CCDC171: variants seen among roughly 807,000 people sequenced by gnomAD.
CCDC171 encodes the protein coiled-coil domain-containing protein 171.
In CCDC171, 177 loss-of-function variants were observed where a neutral mutation model predicts 168.2. The ratio of observed to expected loss-of-function variants is 1.05; its 90% CI spans 0.93 to 1.19. CCDC171 has a LOEUF of 1.19. Among genes scored for constraint, CCDC171 ranks in the 50% most tolerant of loss-of-function variants. The pLI, the probability that CCDC171 is intolerant of heterozygous loss-of-function variation, is 0.00. For synonymous variants in CCDC171, 687 were observed against 540.8 expected (o/e 1.27, Z -3.75); for missense variants, 1,991 against 1,539.0 (o/e 1.29, Z -4.91).
chr9:15,773,033 G>A (rs1418314552), intron 18 of CCDC171, among the ~76,000 whole-genome samples: 1 of 150,374 alleles, frequency 6.7e-6, no homozygotes, highest in Non-Finnish European at 1.5e-5. Context: ...AATTATTTTT[G>A]CTACTATTAT....
At position 15,925,912 on chromosome 9, in the gene CCDC171, C is replaced by T. The variant is rs565212672; in HGVS notation, c.3753+5490C>T. 4.2e-5 allele frequency among the ~76,000 whole-genome samples: 6 copies of T among 144,052 alleles called. No homozygotes were observed. The East Asian group carries it at 1.4e-3, about 33-fold the overall frequency. The allele number at this position is 144,052 out of a possible 152,430, so 94.5% of individuals were successfully genotyped here. ...TCTCTGTGTTCCTTATTGCATAGACCATTTTCTACCTGTATTTAACAATAT... is the reference window on the plus strand; with the variant it reads ...TCTCTGTGTTCCTTATTGCATAGACTATTTTCTACCTGTATTTAACAATAT... On this transcript the variant is annotated intron_variant, in intron 25 of 25. Transcript: ENST00000380701.
intron 18 of CCDC171, among the ~76,000 whole-genome samples, chr9:15,759,223 A>G (rs1208297421): frequency 1.3e-5 from 2 of 152,232 alleles, no homozygotes; most frequent in African/African-American, 4.8e-5. Context: ...AAAATGTGAT[A>G]TAAAACTTAC....
intron 25 of CCDC171, among the ~76,000 whole-genome samples, chr9:15,921,405 C>T (rs951651397): frequency 7.2e-5 from 11 of 151,832 alleles, no homozygotes; most frequent in African/African-American, 2.7e-4. Flanking sequence ...GTCTACCTTC[C>T]ACCTTTCTTA....
At chr9:15,888,487 T>A (rs1008955884) in intron 24 of CCDC171, among the ~76,000 whole-genome samples, 6 of 152,196 alleles carry the variant, frequency 3.9e-5, no homozygotes, top group African/African-American at 1.4e-4. Context: ...TTTTGAAACA[T>A]TTCGTCACCT....
At chr9:16,100,809 C>T in the CCDC171 span, among the ~76,000 whole-genome samples, 1 of 152,294 alleles carries the variant, frequency 6.6e-6, no homozygotes, top group Non-Finnish European at 1.5e-5. Flanking sequence ...CCCCCCACCC[C>T]GCCCCCCACC....
intron 11 of CCDC171, among the ~76,000 whole-genome samples, chr9:15,699,519 T>C (rs1242661053): frequency 6.6e-6 from 1 of 152,136 alleles, no homozygotes; most frequent in African/African-American, 2.4e-5. Flanking sequence ...TGGTCTGTTT[T>C]GACAGGGCAC....
chr9:15,627,800 T>G (rs1280785137), intron 7 of CCDC171, among the ~76,000 whole-genome samples: 1 of 152,202 alleles, frequency 6.6e-6, no homozygotes, highest in Non-Finnish European at 1.5e-5. Flanking sequence ...TTCTGTTGAT[T>G]TTGCATGGAG....
At chr9:15,592,137 T>C (rs1032661720) in intron 5 of CCDC171, among the ~76,000 whole-genome samples, 2 of 150,640 alleles carry the variant, frequency 1.3e-5, no homozygotes, top group African/African-American at 2.5e-5. Context: ...GCCATTTTTT[T>C]TGAAGTAACA....
rs1310330705 is a variant in CCDC171 at position 15,623,473 on chromosome 9, G to GCA, written c.822+61_822+62insAC. The GCA allele has an allele frequency of 7.5e-4, 348 of 464,616 alleles. 2 individuals are homozygous for GCA. Among genetic ancestry groups the GCA allele is most frequent in the Middle Eastern group, 3.3e-3 (6 of 1,818 alleles). 28.8% of individuals were successfully genotyped at this position (464,616 alleles called of 1,614,324 possible). ...TACAAACTTTCACATATGCGCGCGC[G>GCA]CGCACACACACACACACACACACAC... On this transcript the variant is annotated intron_variant, in intron 7 of 25. Transcript: ENST00000380701.
At chr9:15,751,297 C>G (rs1323035680) in intron 18 of CCDC171, among the ~76,000 whole-genome samples, 1 of 152,206 alleles carries the variant, frequency 6.6e-6, no homozygotes, top group Non-Finnish European at 1.5e-5. Flanking sequence ...AATGGCAGAA[C>G]ATTCCATGCT....
At chr9:15,891,203 AG>A (rs1266681730) in intron 24 of CCDC171, among the ~76,000 whole-genome samples, 3 of 152,196 alleles carry the variant, frequency 2.0e-5, no homozygotes, top group African/African-American at 7.2e-5. Context: ...AGGAAAGATA[AG>A]GCAGTCAAAA....
At chr9:15,809,139 G>GT (rs2059213131) in intron 21 of CCDC171, among the ~76,000 whole-genome samples, 1 of 152,124 alleles carries the variant, frequency 6.6e-6, no homozygotes, top group Non-Finnish European at 1.5e-5. Flanking sequence ...AAAATTTTTT[G>GT]GGAACATAAA....
At chr9:15,572,938 C>A (rs1336440245) in intron 3 of CCDC171, among the ~76,000 whole-genome samples, 1 of 152,148 alleles carries the variant, frequency 6.6e-6, no homozygotes, top group Non-Finnish European at 1.5e-5. Flanking sequence ...GTGGGTGGAT[C>A]ACTTGAAGTC....
intron 18 of CCDC171, among the ~76,000 whole-genome samples, chr9:15,750,695 G>A (rs200331944): frequency 6.6e-6 from 1 of 152,122 alleles, no homozygotes; most frequent in East Asian, 1.9e-4. Flanking sequence ...TTATCTCAAT[G>A]GATGCAGAAA....
At chr9:16,084,438 C>A in the CCDC171 span, among the ~76,000 whole-genome samples, 1 of 152,186 alleles carries the variant, frequency 6.6e-6, no homozygotes, top group African/African-American at 2.4e-5. Flanking sequence ...TCTTTGTCTA[C>A]CTCATATTCA....
At chr9:16,005,966 T>A (rs988178012) in intron 3 of CCDC171, among the ~76,000 whole-genome samples, 6 of 152,116 alleles carry the variant, frequency 3.9e-5, no homozygotes, top group Non-Finnish European at 7.4e-5. Flanking sequence ...TTCAAGTGAT[T>A]CTCCTGCCTC....
chr9:15,613,887 T>C (rs1419703466), intron 6 of CCDC171, among the ~76,000 whole-genome samples: 6 of 152,232 alleles, frequency 3.9e-5, no homozygotes, highest in Admixed American at 2.6e-4. Context: ...GATTGTGACT[T>C]TTCTGTCTAA....
At position 15,729,879 on chromosome 9, in the gene CCDC171, G is replaced by C. The variant is rs951604364; in HGVS notation, c.2049+81G>C. ...AAACTTTTTTTTTTTCAGTAGCAGT[G>C]CTAAATCAGTTTAAACTTCTTAAGA... On this transcript the variant is annotated intron_variant, in intron 16 of 25. Coordinates refer to ENST00000380701, the MANE Select transcript of CCDC171 (RefSeq NM_173550.4). 3.7e-6 allele frequency: 4 copies of C among 1,091,680 alleles called. No individual in the cohort carries two copies. In the African/African-American group the frequency reaches 6.3e-5, roughly 17 times the overall value. 67.6% of individuals were successfully genotyped at this position (1,091,680 alleles called of 1,614,324 possible). A position where few individuals can be genotyped will look rare whatever the true frequency, so the allele number is the denominator to read the frequency against.
intron 3 of CCDC171, among the ~76,000 whole-genome samples, chr9:15,988,110 GA>G (rs1490189954): frequency 6.6e-6 from 1 of 152,088 alleles, no homozygotes; most frequent in East Asian, 1.9e-4. Context: ...TTAATACAGT[GA>G]AAAAAATTGT....
Sources: gnomAD v4.1 joint callset for allele counts (sites outside exome capture counted in the v4.1 genomes callset) on GRCh38, gnomAD v4.1.1 for gene constraint, MANE v1.5 for transcripts, NCBI Gene and HGNC (gene_info 2026-07-23, HGNC 2026-07-21) for gene names.